The following CAMKMT variants were observed in gnomAD, a reference collection of about 807,000 sequenced individuals.
The protein encoded by CAMKMT is CaM KMT.
CAMKMT carries 53 observed loss-of-function variants against 48.0 expected under a neutral mutation model. That is an observed-to-expected ratio of 1.10 (90% CI 0.89 to 1.39). The LOEUF (loss-of-function observed/expected upper bound fraction) is 1.39. Among genes scored for constraint, CAMKMT ranks in the 40% most tolerant of loss-of-function variants. CAMKMT has a pLI of 0.00. For missense variants in CAMKMT, 428 were observed against 402.7 expected, an observed-to-expected ratio of 1.06 and a Z score of -0.54; for synonymous variants, 165 against 152.3, an observed-to-expected ratio of 1.08 and a Z score of -0.61.
At chr2:44,431,528 A>G (rs1305682852) in intron 3 of CAMKMT, among the ~76,000 whole-genome samples, 1 of 152,006 alleles carries the variant, frequency 6.6e-6, no homozygotes, top group African/African-American at 2.4e-5. Flanking sequence ...CATCAGTGAC[A>G]TTTTCATTAG....
At chr2:44,491,114 G>A (rs1669478201) in intron 3 of CAMKMT, among the ~76,000 whole-genome samples, 1 of 146,284 alleles carries the variant, frequency 6.8e-6, no homozygotes, top group East Asian at 2.0e-4. Context: ...GCACGCCACT[G>A]CACTCCAGCC....
At chr2:44,613,963 G>A (rs1671732032) in intron 3 of CAMKMT, among the ~76,000 whole-genome samples, 1 of 152,048 alleles carries the variant, frequency 6.6e-6, no homozygotes, top group South Asian at 2.1e-4. Flanking sequence ...TTAATTAAAG[G>A]CAGAAATCAT....
intron 3 of CAMKMT, among the ~76,000 whole-genome samples, chr2:44,480,057 C>G (rs1022061484): frequency 2.6e-5 from 4 of 152,272 alleles, no homozygotes; most frequent in Admixed American, 2.0e-4. Flanking sequence ...ATAATTTTCT[C>G]CATGTTCAGG....
intron 3 of CAMKMT, among the ~76,000 whole-genome samples, chr2:44,472,877 G>C (rs981130374): frequency 6.6e-6 from 1 of 152,164 alleles, no homozygotes; most frequent in Admixed American, 6.5e-5. Context: ...AAGTTATCAA[G>C]TTGCATTTTT....
At chr2:44,771,923 C>G in intron 10 of CAMKMT, 113 bp from the exon 11 acceptor site, 2 of 550,010 alleles carry the variant, frequency 3.6e-6, no homozygotes, top group Non-Finnish European at 3.1e-6. Context: ...ATTTATTTTT[C>G]CAGAACTATA....
chr2:44,391,987 A>G (rs922865944), intron 3 of CAMKMT: 1 of 152,508 alleles, frequency 6.6e-6, no homozygotes, highest in African/African-American at 2.4e-5. Flanking sequence ...AACTGTTTTC[A>G]TCTCTTAGGG....
At chr2:44,769,678 A>G (rs1681022250) in intron 10 of CAMKMT, among the ~76,000 whole-genome samples, 1 of 151,978 alleles carries the variant, frequency 6.6e-6, no homozygotes, top group South Asian at 2.1e-4. Flanking sequence ...TCGCAAAACC[A>G]CCCTGAAGTG....
chr2:44,538,096 G>C (rs890645285), intron 3 of CAMKMT, among the ~76,000 whole-genome samples: 1 of 152,112 alleles, frequency 6.6e-6, no homozygotes, highest in African/African-American at 2.4e-5. Flanking sequence ...GTGGCCGGGC[G>C]TGGTCGCTCA....
intron 2 of CAMKMT, among the ~76,000 whole-genome samples, chr2:44,382,632 C>A (rs1012378933): frequency 6.6e-6 from 1 of 152,148 alleles, no homozygotes; most frequent in East Asian, 1.9e-4. Flanking sequence ...GTGCCTGCCA[C>A]CACGCCCAGC....
In CAMKMT at chr2:44,634,831, G is replaced by GCAATAAAT. The variant is rs1479534831; in HGVS notation, c.377-69451_377-69444dup. Among the ~76,000 whole-genome samples the GCAATAAAT allele has an allele frequency of 6.3e-5, 9 of 143,144 alleles. No homozygotes were observed. The Admixed American group carries it at 6.5e-4, about 10-fold the overall frequency. 93.9% of individuals were successfully genotyped at this position (143,144 alleles called of 152,430 possible). On this transcript the variant is annotated intron_variant, in intron 3 of 10. Transcript: ENST00000378494. ...AAAAAAAGCATTCTAGTCAGACAGA[G>GCAATAAAT]CAATAAATGGAAAGGTAGAGAGTTA...
At chr2:44,416,562 AG>A (rs1332039044) in intron 3 of CAMKMT, among the ~76,000 whole-genome samples, 1 of 140,362 alleles carries the variant, frequency 7.1e-6, no homozygotes, top group Non-Finnish European at 1.5e-5. Context: ...TATTTCACTT[AG>A]CATGATTTTT....
intron 3 of CAMKMT, among the ~76,000 whole-genome samples, chr2:44,507,843 C>T (rs1670339011): frequency 1.3e-5 from 2 of 152,054 alleles, no homozygotes; most frequent in East Asian, 1.9e-4. Flanking sequence ...AAGTGTCAGC[C>T]GAACTAAACA....
intron 3 of CAMKMT, among the ~76,000 whole-genome samples, chr2:44,639,716 C>T (rs911932230): frequency 2.0e-5 from 3 of 152,138 alleles, no homozygotes; most frequent in African/African-American, 7.2e-5. Context: ...ATTTTGAGGA[C>T]ATTTGGGGAG....
At chr2:44,676,010 C>T (rs990301450) in intron 3 of CAMKMT, among the ~76,000 whole-genome samples, 3 of 152,172 alleles carry the variant, frequency 2.0e-5, no homozygotes, top group African/African-American at 4.8e-5. Context: ...GAATTTCTTT[C>T]GTTTTTAAGG....
At chr2:44,474,007 G>A (rs965465184) in intron 3 of CAMKMT, among the ~76,000 whole-genome samples, 2 of 152,106 alleles carry the variant, frequency 1.3e-5, no homozygotes, top group African/African-American at 4.8e-5. Flanking sequence ...AGATTATTTG[G>A]CTATTTGCAG....
chr2:44,516,783 C>T (rs1313143955), intron 3 of CAMKMT, among the ~76,000 whole-genome samples: 1 of 148,566 alleles, frequency 6.7e-6, no homozygotes, highest in Non-Finnish European at 1.5e-5. Context: ...ACTCTGTCAC[C>T]CAGGTTGGAG....
At chr2:44,375,738 G>A (rs1195855008) in intron 2 of CAMKMT, among the ~76,000 whole-genome samples, 2 of 151,914 alleles carry the variant, frequency 1.3e-5, no homozygotes, top group Non-Finnish European at 2.9e-5. Flanking sequence ...TTAGCTGGAG[G>A]AATGATTATC....
chr2:44,522,786 T>G (rs1026912062), intron 3 of CAMKMT, among the ~76,000 whole-genome samples: 1 of 152,226 alleles, frequency 6.6e-6, no homozygotes, highest in Non-Finnish European at 1.5e-5. Context: ...CTCTAAATTT[T>G]GTTTGAGAAT....
intron 3 of CAMKMT, among the ~76,000 whole-genome samples, chr2:44,411,572 G>C (rs1205557642): frequency 6.6e-6 from 1 of 152,016 alleles, no homozygotes; most frequent in Non-Finnish European, 1.5e-5. Context: ...TTCTGAATAA[G>C]GGTTAAAATT....
Sources: allele counts gnomAD v4.1 joint callset (sites outside exome capture counted in the v4.1 genomes callset), GRCh38; gene constraint gnomAD v4.1.1; transcripts MANE v1.5; gene names NCBI Gene and HGNC (gene_info 2026-07-23, HGNC 2026-07-21).